The following ADAM12 variants were observed in gnomAD, a reference collection of about 807,000 sequenced individuals.
ADAM12 encodes ADAM metallopeptidase domain 12, also known as disintegrin and metalloproteinase domain-containing protein 12.
A neutral mutation model predicts 106.4 loss-of-function variants in ADAM12; 70 were observed. That is an observed-to-expected ratio of 0.66 (90% CI 0.54 to 0.80). The LOEUF is 0.80. Among genes scored for constraint, ADAM12 ranks in the 30% least tolerant of loss-of-function variants. The pLI, the probability that ADAM12 is intolerant of heterozygous loss-of-function variation, is 0.00. For synonymous variants in ADAM12, 420 were observed against 433.5 expected (o/e 0.97, Z 0.39); for missense variants, 1,010 against 1,171.9 (o/e 0.86, Z 2.02).
chr10:126,226,211 T>TGGGGGGGGGGGGGGGGGGGGGGGGGGGG (rs1565151047), intron 3 of ADAM12, among the ~76,000 whole-genome samples: 3 of 56,618 alleles, frequency 5.3e-5, no homozygotes, highest in Admixed American at 1.9e-4. Context: ...GCGGGGGGAG[T>TGGGGGGGGGGGGGGGGGGGGGGGGGGGG]GGGGTGGGAG....
At chr10:126,238,735 G>C (rs1419097176) in intron 3 of ADAM12, among the ~76,000 whole-genome samples, 2 of 152,164 alleles carry the variant, frequency 1.3e-5, no homozygotes, top group Non-Finnish European at 2.9e-5. Context: ...AAATATTGAT[G>C]TCATTACTTC....
intron 3 of ADAM12, among the ~76,000 whole-genome samples, chr10:126,253,224 C>T (rs539791074): frequency 8.9e-4 from 136 of 151,986 alleles, no homozygotes; most frequent in African/African-American, 3.2e-3. Context: ...TTGACATTTA[C>T]TGCAATTTTT....
In ADAM12 at chr10:126,221,404, AAAAG is replaced by A. The variant is rs1440962905; in HGVS notation, c.260+57507_260+57510del. ...GACTCTGTCTCAAAAAAAAAAAAAA[AAAAG>A]AAAGAAAGAAAGAAAGAGAAGAAAA... On this transcript the variant is annotated intron_variant, in intron 3 of 22. Coordinates refer to ENST00000448723, the MANE Select transcript of ADAM12 (RefSeq NM_001288973.2). Among the ~76,000 whole-genome samples the A allele has an allele frequency of 6.8e-3, 1,023 of 149,856 alleles. 5 individuals carry two copies. The highest frequency in any genetic ancestry group is 0.015 in the African/African-American group (604 of 40,618).
intron 3 of ADAM12, among the ~76,000 whole-genome samples, chr10:126,183,155 CCAG>C (rs1429904040): frequency 1.3e-5 from 2 of 152,170 alleles, no homozygotes; most frequent in African/African-American, 4.8e-5. Context: ...CCCATCACCC[CCAG>C]ATGGGACCGT....
chr10:126,038,339 G>A lies in ADAM12; in HGVS notation c.2251C>T (p.Pro751Ser). 6.3e-7 allele frequency: 1 copy of A among 1,595,148 alleles called. No homozygotes were observed. Among genetic ancestry groups the A allele is most frequent in the Non-Finnish European group, 8.6e-7 (1 of 1,169,474 alleles). The change falls in exon 20 of 23, where the codon CCT becomes TCT. Residue 751 changes from proline (P) to serine (S), a missense_variant. Around this residue, in one of 3 missense-constraint regions of ADAM12, gnomAD observed 615 missense variants for 708.5 expected, o/e 0.87. Transcript: ENST00000448723. ...TGGAAGCCACGGGGTGGCCGGGAAG[G>A]GCGCACACACCTGCAACAGAATCCC... ...TTIEKLRCVR[P>S]SRPPRGFQPC...
chr10:126,109,821 T>G lies in ADAM12; in HGVS notation c.623A>C (p.Lys208Thr). 1 of 1,613,200 alleles carries G rather than the reference T, an allele frequency of 6.2e-7. No individual in the cohort carries two copies. Among genetic ancestry groups the G allele is most frequent in the Non-Finnish European group, 8.5e-7 (1 of 1,179,836 alleles). The change falls in exon 7 of 23, where the codon AAG (lysine) becomes ACG (threonine). Residue 208 changes from lysine (K) to threonine (T), a missense_variant. Lys to Thr is a moderately conservative substitution (Grantham distance 78). Transcript: ENST00000448723. The part of the protein sequence containing the change: ...WARRHKRETL[K>T]ATKYVELVIV... ...CACCAGCTCCACATACTTAGTTGCC[T>G]TGAGGGTCTCTCTTTTATGCTGCCA...
chr10:126,068,564 A>C (rs1397506242), intron 12 of ADAM12, among the ~76,000 whole-genome samples: 1 of 152,198 alleles, frequency 6.6e-6, no homozygotes, highest in Admixed American at 6.5e-5. Context: ...CTGCTTTCCC[A>C]ATCCTGTTAG....
chr10:126,294,112 T>G (rs893351771), intron 2 of ADAM12, among the ~76,000 whole-genome samples: 3 of 152,220 alleles, frequency 2.0e-5, no homozygotes, highest in African/African-American at 7.2e-5. Flanking sequence ...CCTCATAAAA[T>G]GCGCTCATCC....
intron 18 of ADAM12, among the ~76,000 whole-genome samples, chr10:126,039,992 TG>T (rs1407347759): frequency 1.3e-5 from 2 of 152,252 alleles, no homozygotes; most frequent in African/African-American, 2.4e-5. Flanking sequence ...GGTTTTGCTT[TG>T]TTATGTTGGG....
intron 3 of ADAM12, among the ~76,000 whole-genome samples, chr10:126,261,990 C>A (rs1488560457): frequency 1.3e-5 from 2 of 152,010 alleles, no homozygotes; most frequent in African/African-American, 4.8e-5. Context: ...TAAATCAAAA[C>A]CTATAGATTA....
chr10:126,363,278 T>G (rs2133906622), intron 1 of ADAM12, among the ~76,000 whole-genome samples: 1 of 152,288 alleles, frequency 6.6e-6, no homozygotes, highest in South Asian at 2.1e-4. Flanking sequence ...TGTACAAGAT[T>G]TATGTTCCAT....
intron 5 of ADAM12, among the ~76,000 whole-genome samples, chr10:126,131,745 G>A (rs1031032285): frequency 6.6e-6 from 1 of 152,214 alleles, no homozygotes; most frequent in African/African-American, 2.4e-5. Context: ...CAAGAACTGT[G>A]AGAAATAAAA....
intron 5 of ADAM12, among the ~76,000 whole-genome samples, chr10:126,133,131 C>T (rs960388585): frequency 6.6e-6 from 1 of 152,142 alleles, no homozygotes; most frequent in African/African-American, 2.4e-5. Flanking sequence ...ATATCACCTC[C>T]CCTGCAGCCT....
intron 11 of ADAM12, among the ~76,000 whole-genome samples, chr10:126,089,696 C>T (rs1398931477): frequency 6.6e-6 from 1 of 152,122 alleles, no homozygotes; most frequent in Non-Finnish European, 1.5e-5. Flanking sequence ...CCATTTCTAC[C>T]CAGCATCACT....
At chr10:126,129,432 A>G (rs1590462272) in intron 5 of ADAM12, among the ~76,000 whole-genome samples, 1 of 152,326 alleles carries the variant, frequency 6.6e-6, no homozygotes, top group South Asian at 2.1e-4. Flanking sequence ...CCCATTACAA[A>G]GTACAGTGGG....
intron 3 of ADAM12, among the ~76,000 whole-genome samples, chr10:126,230,806 G>A (rs1839563019): frequency 6.6e-6 from 1 of 152,094 alleles, no homozygotes; most frequent in Non-Finnish European, 1.5e-5. Context: ...TGTATCATGT[G>A]CTCCTTGTCC....
At chr10:126,310,681 T>C (rs1961043627) in intron 2 of ADAM12, among the ~76,000 whole-genome samples, 1 of 152,158 alleles carries the variant, frequency 6.6e-6, no homozygotes, top group Non-Finnish European at 1.5e-5. Flanking sequence ...ATTATGTAAA[T>C]ACCATCATAT....
At chr10:126,127,061 C>T (rs73378697) in intron 5 of ADAM12, among the ~76,000 whole-genome samples, 2 of 152,146 alleles carry the variant, frequency 1.3e-5, no homozygotes, top group Non-Finnish European at 2.9e-5. Flanking sequence ...GTGGCATGCA[C>T]GTCAAAGCTT....
At chr10:126,225,578 C>T (rs1958178686) in intron 3 of ADAM12, among the ~76,000 whole-genome samples, 1 of 152,192 alleles carries the variant, frequency 6.6e-6, no homozygotes, top group South Asian at 2.1e-4. Flanking sequence ...GTTCATGCTT[C>T]ACACGTGGGA....
Sources: gnomAD v4.1 joint callset for allele counts (sites outside exome capture counted in the v4.1 genomes callset) on GRCh38, gnomAD v4.1.1 for gene constraint, gnomAD v4.1.1 regional missense constraint, MANE v1.5 for transcripts, NCBI Gene and HGNC (gene_info 2026-07-23, HGNC 2026-07-21) for gene names.